The following TRAF3 variants were observed in gnomAD, a reference collection of about 807,000 sequenced individuals.
TRAF3 encodes TNF receptor associated factor 3.
A neutral mutation model predicts 62.3 loss-of-function variants in TRAF3; 13 were observed. That is an observed-to-expected ratio of 0.21 (90% confidence interval 0.14 to 0.33). TRAF3 has a LOEUF of 0.33. TRAF3 is among the 10% of genes least tolerant of loss of function. The probability of loss-of-function intolerance (pLI) is 1.00; values close to 1 mark genes in which losing one functional copy is unlikely to be tolerated. For synonymous variants in TRAF3, 269 were observed against 283.4 expected (o/e 0.95, Z 0.51); for missense variants, 440 against 741.8 (o/e 0.59, Z 4.73).
At chr14:102,824,395 C>A (rs1900167772) in intron 1 of TRAF3, among the ~76,000 whole-genome samples, 2 of 152,210 alleles carry the variant, frequency 1.3e-5, no homozygotes, top group East Asian at 1.9e-4. Context: ...TGTATCTAAG[C>A]CAAATAAATT....
chr14:102,822,254 A>C (rs998242338), intron 1 of TRAF3, among the ~76,000 whole-genome samples: 33 of 152,216 alleles, frequency 2.2e-4, no homozygotes, highest in African/African-American at 7.2e-4. Context: ...CTCCATTAGC[A>C]CTTTAGATGG....
chr14:102,894,711 G>C (rs996272065), intron 9 of TRAF3, among the ~76,000 whole-genome samples: 2 of 152,174 alleles, frequency 1.3e-5, no homozygotes, highest in Admixed American at 1.3e-4. Flanking sequence ...GTTCATTGCT[G>C]TAAGCTGCTT....
chr14:102,897,427 A>G (rs1890060798), intron 10 of TRAF3, 26 bp downstream of exon 10: 15 of 1,612,272 alleles, frequency 9.3e-6, no homozygotes, highest in Middle Eastern at 1.7e-4. Flanking sequence ...CTACGGCCAG[A>G]TCAAAGGGTG....
At position 102,777,640 on chromosome 14, in the gene TRAF3, C is replaced by A. The variant is rs1368635630; in HGVS notation, c.-192C>A. 6.9e-6 allele frequency: 1 copy of A among 144,702 alleles called. No homozygotes were observed. Among genetic ancestry groups the A allele is most frequent in the Non-Finnish European group, 1.5e-5 (1 of 65,206 alleles). The allele number at this position is 144,702 out of a possible 1,614,324, so 9.0% of individuals were successfully genotyped here. ...GGACCGCGGCGGAGGACGCGCCCGG[C>A]GCCCCTGAGCCGGCCGAGCGGCGAC... On this transcript the variant is annotated 5_prime_UTR_variant, in exon 1 of 12. Coordinates refer to ENST00000392745, the MANE Select transcript of TRAF3 (RefSeq NM_145725.3).
chr14:102,799,540 T>C (rs1399329246), intron 1 of TRAF3, among the ~76,000 whole-genome samples: 1 of 152,190 alleles, frequency 6.6e-6, no homozygotes, highest in Non-Finnish European at 1.5e-5. Context: ...AACCTCCGTC[T>C]CCCAGATTCA....
chr14:102,889,950 G>A (rs567364284), intron 8 of TRAF3, among the ~76,000 whole-genome samples: 2 of 152,350 alleles, frequency 1.3e-5, no homozygotes, highest in South Asian at 2.1e-4. Flanking sequence ...AGATTGTTAC[G>A]GAAATTTTAG....
chr14:102,869,122 G>T lies in TRAF3; in HGVS notation c.-17-1063G>T, dbSNP rs141863269. Among the ~76,000 whole-genome samples the T allele has an allele frequency of 2.5e-3, 388 of 152,308 alleles. 2 individuals carry two copies. The highest frequency in any genetic ancestry group is 8.9e-3 in the African/African-American group (368 of 41,564). On this transcript the variant is annotated intron_variant, in intron 2 of 11. Transcript: ENST00000392745. Reference sequence around the variant, plus strand: ...ACAGGGAGCCGCACCTCCCTCACACGCTCCTCACCAGTGTGACATGGTGTG... The same window carrying T: ...ACAGGGAGCCGCACCTCCCTCACACTCTCCTCACCAGTGTGACATGGTGTG...
intron 9 of TRAF3, among the ~76,000 whole-genome samples, chr14:102,891,996 C>T (rs1423746660): frequency 1.3e-5 from 2 of 151,230 alleles, no homozygotes; most frequent in African/African-American, 4.9e-5. Context: ...AAACTTGGTG[C>T]GCTCTCCACA....
rs749156219 is a variant in TRAF3, at chr14:102,870,370, C to T, written c.169C>T (p.His57Tyr). 1.2e-6 allele frequency: 2 copies of T among 1,614,186 alleles called. No individual in the cohort carries two copies. The highest frequency in any genetic ancestry group is 8.5e-7 in the Non-Finnish European group (1 of 1,180,030). The change falls in exon 3 of 12, where the codon CAC (histidine) becomes TAC (tyrosine). Residue 57 changes from histidine to tyrosine, a missense_variant. Transcript: ENST00000392745. ...GGACAAGTACAAGTGTGAGAAGTGC[C>T]ACCTGGTGCTGTGCAGCCCGAAGCA... is the stretch of plus-strand genomic sequence containing the variant. ...VEDKYKCEKC[H>Y]LVLCSPKQTE...
chr14:102,846,598 T>C (rs1255519558), intron 2 of TRAF3, among the ~76,000 whole-genome samples: 2 of 135,292 alleles, frequency 1.5e-5, no homozygotes, highest in Non-Finnish European at 3.0e-5. Context: ...AGCCCAGGAG[T>C]TCCAGACCAG....
At chr14:102,868,571 A>G (rs2139818862) in intron 2 of TRAF3, among the ~76,000 whole-genome samples, 1 of 152,378 alleles carries the variant, frequency 6.6e-6, no homozygotes, top group African/African-American at 2.4e-5. Context: ...TTCATGGTGC[A>G]CACGCTGACC....
At chr14:102,811,550 G>GTTTTTTTTTTTTTTTTTTTT (rs35064640) in intron 1 of TRAF3, among the ~76,000 whole-genome samples, 10 of 79,506 alleles carry the variant, frequency 1.3e-4, no homozygotes, top group Non-Finnish European at 1.9e-4. Context: ...GCTGTAGGCG[G>GTTTTTTTTTTTTTTTTTTTT]TTTTTTTTTT....
intron 1 of TRAF3, among the ~76,000 whole-genome samples, chr14:102,814,119 C>G (rs1899367104): frequency 6.6e-6 from 1 of 152,118 alleles, no homozygotes; most frequent in Admixed American, 6.5e-5. Flanking sequence ...TCTATTTTCA[C>G]TCTTCTGCAT....
intron 1 of TRAF3, among the ~76,000 whole-genome samples, chr14:102,828,837 C>T (rs957548712): frequency 1.3e-5 from 2 of 152,160 alleles, no homozygotes; most frequent in African/African-American, 2.4e-5. Context: ...ATTTGCTAAA[C>T]GTAGTTGGTT....
At chr14:102,885,680 A>C (rs1889338870) in intron 6 of TRAF3, among the ~76,000 whole-genome samples, 1 of 152,216 alleles carries the variant, frequency 6.6e-6, no homozygotes, top group Admixed American at 6.5e-5. Flanking sequence ...GTAAATACTC[A>C]GTAGGTTATG....
rs970577943 is a variant in TRAF3, at chr14:102,826,616, A to G, written c.-156-3718A>G. ...CATTTTCATCAGAGAACAGCATAAC[A>G]TTGGCAGAGGTCTGACATGTCATTT... On this transcript the variant is annotated intron_variant, in intron 1 of 11. Transcript: ENST00000392745. This position sits in a 1 kb window ranked among gnomAD's most constrained non-coding sequence, Gnocchi z 4.6. Among the ~76,000 whole-genome samples, 1 of 152,150 alleles carries G rather than the reference A, an allele frequency of 6.6e-6. No homozygotes were observed. The highest frequency in any genetic ancestry group is 1.5e-5 in the Non-Finnish European group (1 of 68,012).
intron 2 of TRAF3, among the ~76,000 whole-genome samples, chr14:102,839,685 A>G (rs1251379248): frequency 1.3e-5 from 2 of 152,210 alleles, no homozygotes; most frequent in Non-Finnish European, 1.5e-5. Context: ...TTTTGCAGTC[A>G]CAACATCTTT....
intron 2 of TRAF3, among the ~76,000 whole-genome samples, chr14:102,841,326 G>A (rs1211171272): frequency 6.6e-6 from 1 of 152,222 alleles, no homozygotes; most frequent in Non-Finnish European, 1.5e-5. Flanking sequence ...TGGCCAAGAG[G>A]AAGCACCTCA....
Position 102,905,841 on chromosome 14 carries a change from G to A in TRAF3, c.*57G>A, listed in dbSNP as rs998752422. 5.0e-5 allele frequency: 75 copies of A among 1,505,726 alleles called. No individual in the cohort carries two copies. The highest frequency in any genetic ancestry group is 5.6e-5 in the African/African-American group (4 of 71,922). 93.3% of individuals were successfully genotyped at this position (1,505,726 alleles called of 1,614,324 possible). The stretch of plus-strand genomic sequence containing the variant: ...GCAACTCCTCTGGGGGATTTGAACC[G>A]GTCTGTCTTCACTGAGGTCCTCGCG... On this transcript the variant is annotated 3_prime_UTR_variant, in exon 12 of 12. Coordinates refer to ENST00000392745, the MANE Select transcript of TRAF3 (RefSeq NM_145725.3).
Sources: allele counts gnomAD v4.1 joint callset (sites outside exome capture counted in the v4.1 genomes callset), GRCh38; gene constraint gnomAD v4.1.1; non-coding constraint Gnocchi (gnomAD v3.1); transcripts MANE v1.5; gene names NCBI Gene and HGNC (gene_info 2026-07-23, HGNC 2026-07-21).